Variants in NDRG4 observed in about 807,000 individuals in gnomAD.
NDRG4 encodes the protein protein NDRG4.
NDRG4 carries 38 observed loss-of-function variants against 55.8 expected under a neutral mutation model. The ratio of observed to expected loss-of-function variants is 0.68; its 90% CI spans 0.53 to 0.89. NDRG4 has a LOEUF of 0.89. Ranked by LOEUF, NDRG4 falls within the 40% of genes least tolerant of loss-of-function variation. NDRG4 has a pLI of 0.00. For missense variants in NDRG4, 455 were observed against 468.6 expected (o/e 0.97, Z 0.27); for synonymous variants, 190 against 182.7 (o/e 1.04, Z -0.32).
At chr16:58,477,971 T>G (rs780819320) in intron 1 of NDRG4, among the ~76,000 whole-genome samples, 1 of 152,198 alleles carries the variant, frequency 6.6e-6, no homozygotes, top group African/African-American at 2.4e-5. Context: ...TGATACAAAC[T>G]GAGAAGGGCA....
At chr16:58,510,821 C>G in intron 14 of NDRG4, 138 bp downstream of exon 14, 1 of 791,326 alleles carries the variant, frequency 1.3e-6, no homozygotes, top group Non-Finnish European at 2.1e-6. Flanking sequence ...AACTCAGAAA[C>G]CCCACAGATT....
chr16:58,509,486 G>C, intron 13 of NDRG4, 134 bp downstream of exon 13: 1 of 906,800 alleles, frequency 1.1e-6, no homozygotes, highest in Non-Finnish European at 1.7e-6. Context: ...TAGGAGTTTT[G>C]TGTGACCTGG....
chr16:58,486,607 C>T lies in NDRG4; in HGVS notation c.-23-1149C>T, dbSNP rs191156351. 1.6e-4 allele frequency among the ~76,000 whole-genome samples: 25 copies of T among 152,114 alleles called. No individual in the cohort carries two copies. In the East Asian group the frequency reaches 4.1e-3, roughly 25 times the overall value. ...TTTTTCTCTTGGTGCATTCTGACCT[C>T]TGCCATCCTGAAGTTGAGGGATGGT... is the stretch of plus-strand genomic sequence containing the variant. On this transcript the variant is annotated intron_variant, in intron 1 of 15. Coordinates refer to the NDRG4 transcript ENST00000258187.
downstream of NDRG4, among the ~76,000 whole-genome samples, chr16:58,514,443 A>C (rs1208767382): frequency 6.6e-6 from 1 of 151,472 alleles, no homozygotes; most frequent in Non-Finnish European, 1.5e-5. Context: ...GATTTGCCTG[A>C]GTAACAGACC....
intron 3 of NDRG4, chr16:58,495,090 G>C: frequency 1.4e-6 from 2 of 1,405,010 alleles, no homozygotes; most frequent in Middle Eastern, 1.8e-4. Context: ...CCAGAGGAGG[G>C]TCACAGCCCT....
chr16:58,475,390 A>T (rs1053510550), intron 1 of NDRG4, among the ~76,000 whole-genome samples: 2 of 152,174 alleles, frequency 1.3e-5, no homozygotes, highest in Non-Finnish European at 2.9e-5. Flanking sequence ...ATCATGGATT[A>T]TGCTGCCTGC....
intron 2 of NDRG4, among the ~76,000 whole-genome samples, chr16:58,494,564 A>G (rs1031645479): frequency 6.6e-6 from 1 of 152,190 alleles, no homozygotes; most frequent in Non-Finnish European, 1.5e-5. Context: ...GGCCTGTAAG[A>G]TGGAATCCAC....
At chr16:58,501,084 C>T (rs1567333136) in intron 1 of NDRG4, 1 of 1,234,356 alleles carries the variant, frequency 8.1e-7, no homozygotes, top group African/African-American at 1.5e-5. Flanking sequence ...TCAGGTACCC[C>T]GGCCCCATTC....
chr16:58,489,456 C>T (rs1284010307), intron 2 of NDRG4, among the ~76,000 whole-genome samples: 3 of 151,734 alleles, frequency 2.0e-5, no homozygotes, highest in Non-Finnish European at 4.4e-5. Flanking sequence ...TTGGGATACA[C>T]TAGCCCAGAA....
intron 2 of NDRG4, among the ~76,000 whole-genome samples, chr16:58,492,446 G>A (rs2035884192): frequency 6.6e-6 from 1 of 151,028 alleles, no homozygotes; most frequent in Admixed American, 6.6e-5. Flanking sequence ...GGGGCCCCCA[G>A]ACCCAGAGAG....
chr16:58,491,598 T>C (rs910497358), intron 2 of NDRG4, among the ~76,000 whole-genome samples: 18 of 151,682 alleles, frequency 1.2e-4, no homozygotes, highest in Non-Finnish European at 2.9e-5. Flanking sequence ...GTAGCTGGGA[T>C]TACAGGCATG....
chr16:58,469,626 C>T (rs1452261806), intron 1 of NDRG4, among the ~76,000 whole-genome samples: 1 of 152,124 alleles, frequency 6.6e-6, no homozygotes, highest in East Asian at 1.9e-4. Flanking sequence ...AACAGTAGAG[C>T]AGCAGTGCAT....
At chr16:58,482,270 C>G (rs1194936915) in intron 1 of NDRG4, among the ~76,000 whole-genome samples, 1 of 152,182 alleles carries the variant, frequency 6.6e-6, no homozygotes, top group Admixed American at 6.5e-5. Flanking sequence ...GACCTTGACC[C>G]TGACCTGTGG....
chr16:58,481,970 C>A (rs1324826666), intron 1 of NDRG4, among the ~76,000 whole-genome samples: 1 of 152,106 alleles, frequency 6.6e-6, no homozygotes, highest in African/African-American at 2.4e-5. Flanking sequence ...TCTTTTCCAA[C>A]CAGGCACTGG....
At chr16:58,500,085 G>A (rs938909417), upstream of NDRG4, 6 of 1,500,292 alleles carry the variant, frequency 4.0e-6, no homozygotes, top group African/African-American at 6.9e-5. Flanking sequence ...CGGGGAGGAG[G>A]GGCTAGCTAG....
At chr16:58,465,694 T>C (rs2031498561) in intron 1 of NDRG4, among the ~76,000 whole-genome samples, 1 of 150,980 alleles carries the variant, frequency 6.6e-6, no homozygotes, top group Non-Finnish European at 1.5e-5. Flanking sequence ...AGGCCAGGAG[T>C]TCAAGACCAG....
At position 58,485,691 on chromosome 16, in the gene NDRG4, C is replaced by T. The variant is rs570648103; in HGVS notation, c.-23-2065C>T. ...CCTTGAGGATGCCTTTCTAAAAATA[C>T]AGCCCATCTGCATTGTGTTAGCTGG... On this transcript the variant is annotated intron_variant, in intron 1 of 15. Coordinates refer to the NDRG4 transcript ENST00000258187. Among the ~76,000 whole-genome samples, 3 of 152,284 alleles carry T rather than the reference C, an allele frequency of 2.0e-5. No individual in the cohort carries two copies. In the East Asian group the frequency reaches 5.8e-4, roughly 29 times the overall value.
chr16:58,494,843 AAAAAG>A (rs928710807), intron 2 of NDRG4: 7 of 815,472 alleles, frequency 8.6e-6, no homozygotes, highest in African/African-American at 1.7e-5. Context: ...AAAAAAAAAA[AAAAAG>A]AAAAGAAAAG....
At chr16:58,488,305 A>ACC (rs971844291) in intron 2 of NDRG4, among the ~76,000 whole-genome samples, 5 of 152,140 alleles carry the variant, frequency 3.3e-5, no homozygotes, top group African/African-American at 1.2e-4. Context: ...CAACAGTGCC[A>ACC]CCCGGGGCAG....
Sources: gnomAD v4.1 joint callset for allele counts (sites outside exome capture counted in the v4.1 genomes callset) on GRCh38, gnomAD v4.1.1 for gene constraint, MANE v1.5 for transcripts, NCBI Gene and HGNC (gene_info 2026-07-23, HGNC 2026-07-21) for gene names.